Variants in MYO1E observed in about 807,000 individuals in gnomAD.
MYO1E encodes unconventional myosin-Ie.
A neutral mutation model predicts 151.1 loss-of-function variants in MYO1E; 68 were observed. The ratio of observed to expected loss-of-function variants is 0.45; its 90% CI spans 0.37 to 0.55. The LOEUF (loss-of-function observed/expected upper bound fraction) is 0.55. Among genes scored for constraint, MYO1E ranks in the 20% least tolerant of loss-of-function variants. The pLI, the probability that MYO1E is intolerant of heterozygous loss-of-function variation, is 0.00. For missense variants in MYO1E, 1,363 were observed against 1,389.3 expected, an observed-to-expected ratio of 0.98 and a Z score of 0.30; for synonymous variants, 601 against 501.7, an observed-to-expected ratio of 1.20 and a Z score of -2.64.
intron 23 of MYO1E, among the ~76,000 whole-genome samples, chr15:59,161,447 G>A (rs77430595): frequency 1.5e-3 from 228 of 152,322 alleles, no homozygotes; most frequent in African/African-American, 5.1e-3. Flanking sequence ...TCTGGGGCCC[G>A]GTACCGTGAG....
chr15:59,142,375 G>A (rs552437797), intron 26 of MYO1E, among the ~76,000 whole-genome samples: 5 of 152,222 alleles, frequency 3.3e-5, no homozygotes, highest in South Asian at 2.1e-4. Flanking sequence ...GACTCCCCTC[G>A]CCAGGGTCGG....
chr15:59,207,846 C>A (rs1165331052), intron 14 of MYO1E: 2 of 1,614,136 alleles, frequency 1.2e-6, no homozygotes, highest in Non-Finnish European at 1.7e-6. Context: ...GGGCCATTGG[C>A]CTATCTGTGG....
At chr15:59,198,591 G>A (rs991204554) in intron 16 of MYO1E, among the ~76,000 whole-genome samples, 4 of 152,180 alleles carry the variant, frequency 2.6e-5, no homozygotes, top group African/African-American at 7.2e-5. Flanking sequence ...TGAGGCAGGC[G>A]GATCAATTGA....
intron 1 of MYO1E, 60 bp downstream of exon 1, chr15:59,372,438 C>A: frequency 6.5e-7 from 1 of 1,535,732 alleles, no homozygotes; most frequent in Non-Finnish European, 8.7e-7. Flanking sequence ...GTGCACCACG[C>A]CGGGGTTTCC....
intron 1 of MYO1E, among the ~76,000 whole-genome samples, chr15:59,338,796 A>G (rs567095008): frequency 2.0e-5 from 3 of 152,356 alleles, no homozygotes; most frequent in Admixed American, 1.3e-4. Context: ...GTCTATCAAC[A>G]TCTAAAAATA....
chr15:59,258,339 C>T (rs549860770), intron 3 of MYO1E, among the ~76,000 whole-genome samples: 7 of 152,124 alleles, frequency 4.6e-5, no homozygotes, highest in South Asian at 4.2e-4. Context: ...AGCGAGACTC[C>T]GTCTCAAAAC....
intron 5 of MYO1E, among the ~76,000 whole-genome samples, chr15:59,233,890 C>A (rs368228771): frequency 1.6e-4 from 23 of 147,588 alleles, no homozygotes; most frequent in East Asian, 2.0e-4. Context: ...GACTTAGTAC[C>A]AAAAAAAAAA....
At chr15:59,185,016 T>C (rs1187230428) in intron 18 of MYO1E, among the ~76,000 whole-genome samples, 3 of 152,238 alleles carry the variant, frequency 2.0e-5, no homozygotes, top group African/African-American at 7.2e-5. Flanking sequence ...TAGTTTTATT[T>C]TGGCTTTCTC....
At chr15:59,138,911 C>T (rs189461663) in intron 26 of MYO1E, among the ~76,000 whole-genome samples, 4 of 152,128 alleles carry the variant, frequency 2.6e-5, no homozygotes, top group African/African-American at 4.8e-5. Flanking sequence ...TCATATTCCA[C>T]GGTCACATGC....
At chr15:59,312,044 T>C (rs1240584489) in intron 1 of MYO1E, among the ~76,000 whole-genome samples, 3 of 152,220 alleles carry the variant, frequency 2.0e-5, no homozygotes, top group African/African-American at 4.8e-5. Context: ...TATTCAGCTA[T>C]AGCAAACCAA....
intron 1 of MYO1E, among the ~76,000 whole-genome samples, chr15:59,275,802 A>G (rs2080315158): frequency 6.6e-6 from 1 of 152,230 alleles, no homozygotes; most frequent in South Asian, 2.1e-4. Context: ...CTGGAAACCA[A>G]ACATGGATGT....
intron 18 of MYO1E, among the ~76,000 whole-genome samples, chr15:59,182,648 A>T (rs1020652851): frequency 2.0e-5 from 3 of 152,222 alleles, no homozygotes; most frequent in Non-Finnish European, 4.4e-5. Flanking sequence ...CAAGGATACA[A>T]GCATTTCAGT....
At chr15:59,352,902 A>C (rs1368603130) in intron 1 of MYO1E, among the ~76,000 whole-genome samples, 1 of 152,214 alleles carries the variant, frequency 6.6e-6, no homozygotes, top group Non-Finnish European at 1.5e-5. Context: ...TACAATCACA[A>C]GCACTTCCGA....
intron 18 of MYO1E, among the ~76,000 whole-genome samples, chr15:59,179,295 C>A (rs866091763): frequency 6.6e-6 from 1 of 152,062 alleles, no homozygotes; most frequent in Non-Finnish European, 1.5e-5. Flanking sequence ...TCTCTCATAG[C>A]AAGTACTATT....
rs1555416374 is a variant in MYO1E at position 59,277,561 on chromosome 15, A to AACAACAACAAC, written c.4-5113_4-5112insGTTGTTGTTGT. On this transcript the variant is annotated intron_variant, in intron 1 of 27. Coordinates refer to ENST00000288235, the MANE Select transcript of MYO1E (RefSeq NM_004998.4). The stretch of plus-strand genomic sequence containing the variant: ...TCCATCCCCCCACAAAAAAAAAAAA[A>AACAACAACAAC]AAAAAAAAAAAACATCAAAGCCTCA... Among the ~76,000 whole-genome samples the AACAACAACAAC allele has an allele frequency of 2.4e-3, 345 of 145,970 alleles. 3 individuals carry two copies. Among genetic ancestry groups the AACAACAACAAC allele is most frequent in the Admixed American group, 3.8e-3 (57 of 14,808 alleles).
chr15:59,188,158 C>T lies in MYO1E; in HGVS notation c.1864G>A (p.Gly622Ser). The T allele has an allele frequency of 6.2e-7, 1 of 1,614,144 alleles. No homozygotes were observed. Among genetic ancestry groups the T allele is most frequent in the Non-Finnish European group, 8.5e-7 (1 of 1,180,020 alleles). ...TGGAAGATGCGCCGATAGGCATAGC[C>T]AGCTCTTCTCACTCGAATGTTCTCT... Reference protein sequence around the residue: ...LKENIRVRRAGYAYRRIFQKF... With the variant: ...LKENIRVRRASYAYRRIFQKF... The change falls in exon 18 of 28, where the codon GGC becomes AGC. Residue 622 changes from glycine (G) to serine (S), a missense_variant. Transcript: ENST00000288235.
intron 16 of MYO1E, among the ~76,000 whole-genome samples, chr15:59,198,267 C>T (rs1423954510): frequency 6.6e-6 from 1 of 152,196 alleles, no homozygotes; most frequent in Non-Finnish European, 1.5e-5. Flanking sequence ...CAGAAAAGTA[C>T]CAACAGCACT....
At chr15:59,210,199 G>T (rs2079870178) in intron 13 of MYO1E, among the ~76,000 whole-genome samples, 1 of 152,076 alleles carries the variant, frequency 6.6e-6, no homozygotes, top group South Asian at 2.1e-4. Context: ...AGTCCTAGAA[G>T]TTGGACTAGA....
At chr15:59,237,893 C>T (rs1319149736) in intron 4 of MYO1E, among the ~76,000 whole-genome samples, 1 of 152,160 alleles carries the variant, frequency 6.6e-6, no homozygotes, top group African/African-American at 2.4e-5. Flanking sequence ...AAACTCAGAA[C>T]TTTGCTGAAT....
Sources: allele counts gnomAD v4.1 joint callset (sites outside exome capture counted in the v4.1 genomes callset), GRCh38; gene constraint gnomAD v4.1.1; transcripts MANE v1.5; gene names NCBI Gene and HGNC (gene_info 2026-07-23, HGNC 2026-07-21).